Variants in KHDRBS2 observed in about 807,000 individuals in gnomAD.
The protein encoded by KHDRBS2 is KH domain-containing, RNA-binding, signal transduction-associated protein 2.
In KHDRBS2, 26 loss-of-function variants were observed where a neutral mutation model predicts 44.3. The observed-to-expected ratio is 0.59, with a 90% CI of 0.43 to 0.81. The LOEUF is 0.81. KHDRBS2 is among the 40% of genes least tolerant of loss of function. The probability of loss-of-function intolerance (pLI) is 0.00; values close to 1 mark genes in which losing one functional copy is unlikely to be tolerated. For synonymous variants in KHDRBS2, 194 were observed against 151.1 expected (o/e 1.28, Z -2.08); for missense variants, 476 against 433.1 (o/e 1.10, Z -0.88).
the KHDRBS2 span, among the ~76,000 whole-genome samples, chr6:61,618,217 A>C: frequency 6.6e-6 from 1 of 152,154 alleles, no homozygotes; most frequent in Non-Finnish European, 1.5e-5. Context: ...TTTTGAGTCC[A>C]ATTCTGTACC....
chr6:61,955,710 A>ATG (rs1562522450), intron 4 of KHDRBS2, among the ~76,000 whole-genome samples: 26 of 107,018 alleles, frequency 2.4e-4, no homozygotes, highest in South Asian at 7.9e-4. Context: ...ATATATACAC[A>ATG]TATGTATGTA....
At chr6:61,795,305 T>G (rs1785177759) in intron 6 of KHDRBS2, among the ~76,000 whole-genome samples, 1 of 152,164 alleles carries the variant, frequency 6.6e-6, no homozygotes, top group South Asian at 2.1e-4. Context: ...AATGAATTAT[T>G]GTGTATGGCT....
chr6:62,019,657 CTT>C, intron 3 of KHDRBS2, among the ~76,000 whole-genome samples: 1 of 152,136 alleles, frequency 6.6e-6, no homozygotes, highest in East Asian at 1.9e-4. Flanking sequence ...CTTAAATAAA[CTT>C]TGATAGTTCA....
At chr6:62,197,001 G>T (rs1420598480) in intron 1 of KHDRBS2, among the ~76,000 whole-genome samples, 1 of 151,990 alleles carries the variant, frequency 6.6e-6, no homozygotes, top group African/African-American at 2.4e-5. Flanking sequence ...CTCTAGCACT[G>T]CAGTATAAAA....
At position 62,020,916 on chromosome 6, in the gene KHDRBS2, A is replaced by G. The variant is rs2127279818; in HGVS notation, c.336+26962T>C. ...AATAATACAAACCGTTGTATCATAA[A>G]GACAAATGCATGCATATGTGCATTG... is the stretch of plus-strand genomic sequence containing the variant. On this transcript the variant is annotated intron_variant, in intron 3 of 8. Transcript: ENST00000281156. Among the ~76,000 whole-genome samples, 3 of 152,216 alleles carry G rather than the reference A, an allele frequency of 2.0e-5. No individual in the cohort carries two copies. The South Asian group carries it at 6.2e-4, about 31-fold the overall frequency.
intron 6 of KHDRBS2, among the ~76,000 whole-genome samples, chr6:61,846,211 C>A (rs930732702): frequency 6.6e-5 from 10 of 152,132 alleles, no homozygotes; most frequent in Non-Finnish European, 1.2e-4. Flanking sequence ...TCAGGTATTT[C>A]TTTATAGCAA....
At chr6:62,263,590 CA>C (rs1838718116) in intron 1 of KHDRBS2, among the ~76,000 whole-genome samples, 1 of 151,624 alleles carries the variant, frequency 6.6e-6, no homozygotes, top group Admixed American at 6.6e-5. Context: ...ACTGCAAATA[CA>C]ACAATATTTT....
intron 6 of KHDRBS2, among the ~76,000 whole-genome samples, chr6:61,863,907 G>A (rs1289928584): frequency 1.3e-5 from 2 of 152,120 alleles, no homozygotes; most frequent in Non-Finnish European, 2.9e-5. Flanking sequence ...CTATTATTGT[G>A]TGGTAGTCTA....
intron 6 of KHDRBS2, among the ~76,000 whole-genome samples, chr6:61,833,432 A>G (rs2127264340): frequency 6.6e-6 from 1 of 152,320 alleles, no homozygotes; most frequent in South Asian, 2.1e-4. Flanking sequence ...TCATTCACAC[A>G]TTCTGGAAGA....
chr6:62,248,955 A>G (rs537824696), intron 1 of KHDRBS2, among the ~76,000 whole-genome samples: 23 of 152,158 alleles, frequency 1.5e-4, no homozygotes, highest in Non-Finnish European at 3.1e-4. Context: ...CAAAACTAGC[A>G]TAGATGCTAT....
the KHDRBS2 span, among the ~76,000 whole-genome samples, chr6:61,584,837 C>T: frequency 6.6e-6 from 1 of 151,616 alleles, no homozygotes; most frequent in Non-Finnish European, 1.5e-5. Flanking sequence ...TAGAGTTTTG[C>T]ATGTTTTTTT....
intron 6 of KHDRBS2, among the ~76,000 whole-genome samples, chr6:61,892,968 T>C (rs9363423): frequency 0.48 from 73,044 of 150,954 alleles, 17,855 homozygotes; most frequent in East Asian, 0.57. Context: ...AACAGGCAAC[T>C]GACAGAATGG....
At chr6:61,916,882 C>T (rs1562436815) in intron 4 of KHDRBS2, among the ~76,000 whole-genome samples, 2 of 150,448 alleles carry the variant, frequency 1.3e-5, no homozygotes, top group Non-Finnish European at 3.0e-5. Context: ...TGAGACACCA[C>T]TATGTACTTA....
At chr6:62,130,985 T>C (rs964338960) in intron 2 of KHDRBS2, among the ~76,000 whole-genome samples, 6 of 152,088 alleles carry the variant, frequency 3.9e-5, no homozygotes, top group Non-Finnish European at 2.9e-5. Context: ...CCTGTACTAG[T>C]ATGATTACAT....
the KHDRBS2 span, among the ~76,000 whole-genome samples, chr6:61,543,725 T>G: frequency 2.4e-4 from 37 of 152,060 alleles, no homozygotes; most frequent in Non-Finnish European, 4.6e-4. Flanking sequence ...GATGAATGGA[T>G]AGCAAACATG....
At chr6:62,160,347 A>G (rs1425261706) in intron 2 of KHDRBS2, among the ~76,000 whole-genome samples, 2 of 152,154 alleles carry the variant, frequency 1.3e-5, no homozygotes, top group South Asian at 2.1e-4. Context: ...TGCCTAAGTT[A>G]GACCTTGTTA....
the KHDRBS2 span, among the ~76,000 whole-genome samples, chr6:61,662,502 G>T: frequency 6.6e-6 from 1 of 152,060 alleles, no homozygotes; most frequent in African/African-American, 2.4e-5. Context: ...GTACTCATCT[G>T]ACTAAGGGCT....
At chr6:62,144,612 C>T (rs1423680419) in intron 2 of KHDRBS2, among the ~76,000 whole-genome samples, 2 of 151,764 alleles carry the variant, frequency 1.3e-5, no homozygotes. Context: ...TCTTACCAAT[C>T]GATATTTACT....
intron 3 of KHDRBS2, among the ~76,000 whole-genome samples, chr6:62,005,764 T>C (rs756406703): frequency 6.6e-6 from 1 of 151,550 alleles, no homozygotes; most frequent in Non-Finnish European, 1.5e-5. Flanking sequence ...AAAAAACCTA[T>C]AGTTATGAAA....
Sources: gnomAD v4.1 joint callset for allele counts (sites outside exome capture counted in the v4.1 genomes callset) on GRCh38, gnomAD v4.1.1 for gene constraint, MANE v1.5 for transcripts, NCBI Gene and HGNC (gene_info 2026-07-23, HGNC 2026-07-21) for gene names.